The following SGCZ variants were observed in gnomAD, a reference collection of about 807,000 sequenced individuals.
The protein encoded by SGCZ is sarcoglycan zeta.
SGCZ carries 40 observed loss-of-function variants against 41.3 expected under a neutral mutation model. The ratio of observed to expected loss-of-function variants is 0.97; its 90% CI spans 0.75 to 1.26. The LOEUF (loss-of-function observed/expected upper bound fraction) is 1.26. Among genes scored for constraint, SGCZ ranks in the 50% most tolerant of loss-of-function variants. The pLI is 0.00. For synonymous variants in SGCZ, 206 were observed against 137.5 expected (o/e 1.50, Z -3.49); for missense variants, 552 against 369.8 (o/e 1.49, Z -4.04).
intron 1 of SGCZ, among the ~76,000 whole-genome samples, chr8:14,743,633 A>G (rs1216513979): frequency 6.6e-6 from 1 of 152,070 alleles, no homozygotes; most frequent in Non-Finnish European, 1.5e-5. Flanking sequence ...TAAAATTGAA[A>G]ATATTTTAGA....
chr8:14,843,762 T>A (rs1368951512), intron 1 of SGCZ, among the ~76,000 whole-genome samples: 5 of 152,048 alleles, frequency 3.3e-5, no homozygotes, highest in Non-Finnish European at 7.4e-5. Context: ...ACTTCATAAA[T>A]ATTTATAGAT....
chr8:14,710,095 G>A (rs1049273853), intron 1 of SGCZ, among the ~76,000 whole-genome samples: 1 of 151,974 alleles, frequency 6.6e-6, no homozygotes, highest in African/African-American at 2.4e-5. Context: ...GGCCAGGCGC[G>A]GTGGCTCACG....
At chr8:14,691,645 A>C (rs752599594) in intron 1 of SGCZ, among the ~76,000 whole-genome samples, 26 of 152,110 alleles carry the variant, frequency 1.7e-4, no homozygotes, top group Non-Finnish European at 3.5e-4. Flanking sequence ...TGACTCATAT[A>C]GTAGAAATAG....
chr8:14,114,561 G>C (rs1456169940), intron 5 of SGCZ, among the ~76,000 whole-genome samples: 2 of 151,822 alleles, frequency 1.3e-5, no homozygotes, highest in Non-Finnish European at 2.9e-5. Flanking sequence ...AAAAATATTT[G>C]AAAGCCTTTA....
rs187611143 is a variant in SGCZ, at chr8:14,904,484, A to G, written c.39+333101T>C. On this transcript the variant is annotated intron_variant, in intron 1 of 7. Coordinates refer to ENST00000382080, the MANE Select transcript of SGCZ (RefSeq NM_139167.4). The stretch of plus-strand genomic sequence containing the variant: ...TTTACCTTTATGTAAACTAGAATAT[A>G]CGAACTTATTTCTGTAAACTAGAAG... 2.1e-3 allele frequency among the ~76,000 whole-genome samples: 319 copies of G among 152,204 alleles called. 2 individuals carry two copies. The highest frequency in any genetic ancestry group is 0.01 in the Middle Eastern group (3 of 294).
At chr8:15,084,232 T>A (rs1805867474) in intron 1 of SGCZ, among the ~76,000 whole-genome samples, 1 of 152,202 alleles carries the variant, frequency 6.6e-6, no homozygotes, top group African/African-American at 2.4e-5. Flanking sequence ...TTTATAGATA[T>A]CATTGACATC....
intron 1 of SGCZ, among the ~76,000 whole-genome samples, chr8:14,634,539 T>G (rs1806766019): frequency 6.6e-6 from 1 of 151,862 alleles, no homozygotes; most frequent in Admixed American, 6.6e-5. Flanking sequence ...AGTGGAAGCC[T>G]TTTAAATAAA....
At chr8:14,309,057 C>A (rs377519930) in intron 3 of SGCZ, 2 of 1,374,956 alleles carry the variant, frequency 1.5e-6, no homozygotes, top group South Asian at 1.2e-5. Flanking sequence ...ACTCTTAATT[C>A]CCCAACTACA....
At chr8:14,652,971 G>A (rs1296609464) in intron 1 of SGCZ, among the ~76,000 whole-genome samples, 1 of 151,998 alleles carries the variant, frequency 6.6e-6, no homozygotes, top group Non-Finnish European at 1.5e-5. Context: ...TGTACATGAA[G>A]ACACTTTCAA....
At chr8:14,214,322 G>C (rs1013163535) in intron 4 of SGCZ, among the ~76,000 whole-genome samples, 1 of 152,122 alleles carries the variant, frequency 6.6e-6, no homozygotes, top group African/African-American at 2.4e-5. Context: ...AAGAGGAACA[G>C]TAGAGACAAG....
chr8:14,882,595 C>T (rs1804632925), intron 1 of SGCZ, among the ~76,000 whole-genome samples: 1 of 152,226 alleles, frequency 6.6e-6, no homozygotes, highest in East Asian at 1.9e-4. Context: ...GTTCTTAGAA[C>T]TCATTAACCA....
intron 4 of SGCZ, among the ~76,000 whole-genome samples, chr8:14,191,424 T>G (rs1805099832): frequency 6.6e-6 from 1 of 152,054 alleles, no homozygotes; most frequent in Admixed American, 6.6e-5. Context: ...TGTCAAAGAG[T>G]TTTTCCCCTT....
intron 5 of SGCZ, among the ~76,000 whole-genome samples, chr8:14,125,611 T>C (rs554273067): frequency 3.2e-4 from 49 of 152,164 alleles, no homozygotes; most frequent in African/African-American, 9.4e-4. Context: ...ACATTCTTCA[T>C]AGAATTAGAA....
At chr8:14,662,565 C>A (rs1005128165) in intron 1 of SGCZ, among the ~76,000 whole-genome samples, 1 of 152,100 alleles carries the variant, frequency 6.6e-6, no homozygotes, top group African/African-American at 2.4e-5. Context: ...CATGTGATAC[C>A]TTCACTAGGT....
intron 1 of SGCZ, among the ~76,000 whole-genome samples, chr8:14,796,528 C>G (rs1293580487): frequency 2.0e-5 from 3 of 151,980 alleles, no homozygotes; most frequent in Non-Finnish European, 4.4e-5. Flanking sequence ...AAATTAACAT[C>G]TTTTCTGTAT....
chr8:15,157,444 G>A lies in SGCZ; in HGVS notation c.39+80141C>T, dbSNP rs186755932. Among the ~76,000 whole-genome samples the A allele has an allele frequency of 6.1e-3, 929 of 151,302 alleles. 22 individuals are homozygous for A. In the East Asian group the frequency reaches 0.077, roughly 12 times the overall value. On this transcript the variant is annotated intron_variant, in intron 1 of 7. Coordinates refer to ENST00000382080, the MANE Select transcript of SGCZ (RefSeq NM_139167.4). ...AAGGGGGAAAAAAAAAAAGTAGCCCGTAATTTTTTTCATTTTTTACAAAGA... is the reference window on the plus strand; with the variant it reads ...AAGGGGGAAAAAAAAAAAGTAGCCCATAATTTTTTTCATTTTTTACAAAGA...
At chr8:14,384,000 G>C (rs1443605309) in intron 2 of SGCZ, among the ~76,000 whole-genome samples, 2 of 149,728 alleles carry the variant, frequency 1.3e-5, no homozygotes, top group East Asian at 3.9e-4. Flanking sequence ...TTAAATTTTA[G>C]GGTACATGTG....
intron 1 of SGCZ, among the ~76,000 whole-genome samples, chr8:14,857,070 G>A (rs556276359): frequency 6.6e-6 from 1 of 152,138 alleles, no homozygotes; most frequent in Non-Finnish European, 1.5e-5. Flanking sequence ...TCCTCTCTTA[G>A]TACTGTATAG....
intron 1 of SGCZ, among the ~76,000 whole-genome samples, chr8:15,013,517 C>T (rs2130930238): frequency 6.6e-6 from 1 of 152,152 alleles, no homozygotes; most frequent in African/African-American, 2.4e-5. Flanking sequence ...ATGTTCTCCT[C>T]CCTCCCCTCC....
Sources: gnomAD v4.1 joint callset for allele counts (sites outside exome capture counted in the v4.1 genomes callset) on GRCh38, gnomAD v4.1.1 for gene constraint, MANE v1.5 for transcripts, NCBI Gene and HGNC (gene_info 2026-07-23, HGNC 2026-07-21) for gene names.